POC1A: variants seen among roughly 807,000 people sequenced by gnomAD.
The protein encoded by POC1A is POC1 centriolar protein A.
In POC1A, 34 loss-of-function variants were observed where a neutral mutation model predicts 47.8. That is an observed-to-expected ratio of 0.71 (90% CI 0.54 to 0.95). The LOEUF (loss-of-function observed/expected upper bound fraction) is 0.95, where lower values mean the gene tolerates loss of function less well. Among genes scored for constraint, POC1A ranks in the 40% least tolerant of loss-of-function variants. The pLI is 0.00. For missense variants in POC1A, 466 were observed against 528.3 expected, an observed-to-expected ratio of 0.88 and a Z score of 1.16; for synonymous variants, 177 against 207.6, an observed-to-expected ratio of 0.85 and a Z score of 1.27.
rs1206454073 is a variant in POC1A at position 52,149,984 on chromosome 3, C to G, written c.107G>C (p.Ser36Thr). The G allele has an allele frequency of 3.7e-6, 6 of 1,612,860 alleles. No individual in the cohort carries two copies. The highest frequency in any genetic ancestry group is 5.1e-6 in the Non-Finnish European group (6 of 1,179,644). The change falls in exon 3 of 11, where the codon AGT (serine) becomes ACT (threonine). Residue 36 changes from serine to threonine, a missense_variant. Physicochemically the swap from Ser to Thr is moderately conservative, Grantham distance 58. Coordinates refer to ENST00000296484, the MANE Select transcript of POC1A (RefSeq NM_015426.5). ...CATGAGGCATGAGTCCATGGAGCCACTGGCTGAGGACAGTGGGTGATGCTA... is the reference window on the plus strand; with the variant it reads ...CATGAGGCATGAGTCCATGGAGCCAGTGGCTGAGGACAGTGGGTGATGCTA... ...DFSINTKQLA[S>T]GSMDSCLMVW...
intron 9 of POC1A, among the ~76,000 whole-genome samples, chr3:52,108,358 C>CGA (rs1196541347): frequency 6.6e-6 from 1 of 152,188 alleles, no homozygotes; most frequent in Non-Finnish European, 1.5e-5. Flanking sequence ...CTAATGAAGA[C>CGA]GAGCGGCAGA....
chr3:52,107,217 C>G (rs1363435137), intron 9 of POC1A, among the ~76,000 whole-genome samples: 1 of 152,232 alleles, frequency 6.6e-6, no homozygotes, highest in Non-Finnish European at 1.5e-5. Context: ...GAAGCTGGAG[C>G]CCTCCAGGTC....
At chr3:52,125,289 C>T (rs956276602) in intron 7 of POC1A, 108 bp from the exon 8 acceptor site, 2 of 915,858 alleles carry the variant, frequency 2.2e-6, no homozygotes, top group Non-Finnish European at 3.4e-6. Flanking sequence ...GGATAAAGGA[C>T]CGAGAGCCCA....
intron 10 of POC1A, among the ~76,000 whole-genome samples, chr3:52,081,554 G>C (rs1702282206): frequency 6.6e-6 from 1 of 152,228 alleles, no homozygotes; most frequent in Non-Finnish European, 1.5e-5. Context: ...AATGGTGTGT[G>C]CAAAGGCCCT....
chr3:52,141,253 G>A (rs1698184141), intron 6 of POC1A, among the ~76,000 whole-genome samples: 1 of 152,224 alleles, frequency 6.6e-6, no homozygotes, highest in Admixed American at 6.5e-5. Context: ...TCTGCCTGTA[G>A]AGGCTTGGGC....
intron 6 of POC1A, among the ~76,000 whole-genome samples, chr3:52,140,106 C>T (rs1225491894): frequency 6.6e-6 from 1 of 152,160 alleles, no homozygotes; most frequent in African/African-American, 2.4e-5. Flanking sequence ...GTAAACACAC[C>T]CAACACGAAA....
chr3:52,130,995 C>A (rs1016363807), intron 7 of POC1A, among the ~76,000 whole-genome samples: 18 of 150,162 alleles, frequency 1.2e-4, no homozygotes, highest in African/African-American at 4.4e-4. Flanking sequence ...GGGTCCAGGG[C>A]AGGGGCTGCT....
chr3:52,117,081 G>A lies in POC1A; in HGVS notation c.981+5298C>T, dbSNP rs142290292. On this transcript the variant is annotated intron_variant, in intron 9 of 10. Transcript: ENST00000296484. ...TGCACGCTTGTATTCCCAGCTACTC[G>A]GGAGGCTGAGGCACAAGAATCTCTT... 1.8e-3 allele frequency among the ~76,000 whole-genome samples: 273 copies of A among 152,014 alleles called. 1 individual carries two copies. Among genetic ancestry groups the A allele is most frequent in the African/African-American group, 5.9e-3 (246 of 41,434 alleles).
At chr3:52,078,104 A>G (rs1012383238) in intron 10 of POC1A, among the ~76,000 whole-genome samples, 2 of 152,148 alleles carry the variant, frequency 1.3e-5, no homozygotes, top group African/African-American at 4.8e-5. Flanking sequence ...ATGAGGCCCA[A>G]CACCCCTCAA....
intron 10 of POC1A, among the ~76,000 whole-genome samples, chr3:52,088,629 C>T (rs559163126): frequency 1.1e-4 from 17 of 152,152 alleles, no homozygotes; most frequent in Admixed American, 2.0e-4. Flanking sequence ...AATCTCAGAG[C>T]GGTGCAGGCC....
At chr3:52,137,653 C>T (rs1024538905) in intron 7 of POC1A, among the ~76,000 whole-genome samples, 1 of 152,144 alleles carries the variant, frequency 6.6e-6, no homozygotes, top group Non-Finnish European at 1.5e-5. Flanking sequence ...GAACCGGCTG[C>T]TTTGAAGCTC....
intron 9 of POC1A, 65 bp from the exon 10 acceptor site, chr3:52,096,777 T>G (rs577046033): frequency 2.9e-5 from 39 of 1,335,554 alleles, no homozygotes; most frequent in African/African-American, 1.1e-4. Context: ...GTGAGAGGAA[T>G]AGCCCCTCCA....
chr3:52,094,534 C>T lies in POC1A; in HGVS notation c.1125+2035G>A, dbSNP rs1018987041. On this transcript the variant is annotated intron_variant, in intron 10 of 10. Transcript: ENST00000296484. ...AGGAGAGAAAGGTTGGCCTAGAAGACAACCAACAGTCAAGCCCAAGGAGAA... is the reference window on the plus strand; with the variant it reads ...AGGAGAGAAAGGTTGGCCTAGAAGATAACCAACAGTCAAGCCCAAGGAGAA... Among the ~76,000 whole-genome samples, 7 of 152,264 alleles carry T rather than the reference C, an allele frequency of 4.6e-5. 1 individual carries two copies. Among genetic ancestry groups the T allele is most frequent in the Admixed American group, 3.9e-4 (6 of 15,292 alleles).
rs35249554 is a variant in POC1A, at chr3:52,149,856, C to T, written c.235G>A (p.Gly79Ser). Residue 79 changes from glycine (G) to serine (S), a missense_variant, in exon 3 of 11, where the codon GGC becomes AGC. By Grantham distance (56) the Gly-to-Ser change is moderately conservative. Coordinates refer to ENST00000296484, the MANE Select transcript of POC1A (RefSeq NM_015426.5). ...ATGCGGACAGTCTTGTCTCGGGAGC[C>T]GGAAGCAAGCAGGTGTCCCGAAGGA... ...FSPSGHLLAS[G>S]SRDKTVRIWV... 446 of 1,613,886 alleles carry T rather than the reference C, an allele frequency of 2.8e-4. 2 individuals carry two copies. The African/African-American group carries it at 3.7e-3, about 13-fold the overall frequency.
chr3:52,137,268 C>T (rs138835816), intron 7 of POC1A, among the ~76,000 whole-genome samples: 201 of 152,284 alleles, frequency 1.3e-3, no homozygotes, highest in African/African-American at 4.7e-3. Flanking sequence ...AGCCAAATGG[C>T]CCCCAGGTAC....
In POC1A at chr3:52,120,920, C is replaced by G. The variant is rs568993438; in HGVS notation, c.981+1459G>C. 5.9e-5 allele frequency among the ~76,000 whole-genome samples: 9 copies of G among 152,350 alleles called. 1 individual carries two copies. The South Asian group carries it at 1.9e-3, about 32-fold the overall frequency. On this transcript the variant is annotated intron_variant, in intron 9 of 10. Coordinates refer to ENST00000296484, the MANE Select transcript of POC1A (RefSeq NM_015426.5). Reference sequence around the variant, plus strand: ...AGCTACAAGAACATGGGATTCTCCCCCAGCTGGTAGATATTAACCACTCCC... The same window carrying G: ...AGCTACAAGAACATGGGATTCTCCCGCAGCTGGTAGATATTAACCACTCCC...
chr3:52,149,876 G>C lies in POC1A; in HGVS notation c.215C>G (p.Ser72Trp). The change falls in exon 3 of 11, where the codon TCG (serine) becomes TGG (tryptophan). Residue 72 changes from serine (S) to tryptophan (W), a missense_variant. Physicochemically the swap from Ser to Trp is radical, Grantham distance 177. Transcript: ENST00000296484. ...GGAGCCGGAAGCAAGCAGGTGTCCCGAAGGAGAGAAGTTCACACAGGTGAC... is the reference window on the plus strand; with the variant it reads ...GGAGCCGGAAGCAAGCAGGTGTCCCCAAGGAGAGAAGTTCACACAGGTGAC... ...DAVTCVNFSPSGHLLASGSRD... is the reference protein window; with the variant it reads ...DAVTCVNFSPWGHLLASGSRD... 6.2e-7 allele frequency: 1 copy of C among 1,614,012 alleles called. No homozygotes were observed. Among genetic ancestry groups the C allele is most frequent in the Non-Finnish European group, 8.5e-7 (1 of 1,180,040 alleles).
intron 5 of POC1A, among the ~76,000 whole-genome samples, chr3:52,146,545 C>T (rs377200232): frequency 1.2e-4 from 18 of 152,196 alleles, no homozygotes; most frequent in African/African-American, 4.1e-4. Flanking sequence ...TGATGTGGCA[C>T]AATATGAACA....
At chr3:52,092,095 T>A (rs543634547) in intron 10 of POC1A, among the ~76,000 whole-genome samples, 1 of 152,194 alleles carries the variant, frequency 6.6e-6, no homozygotes, top group Non-Finnish European at 1.5e-5. Flanking sequence ...TGGCATCAGC[T>A]GGGATCAGGG....
Sources: allele counts gnomAD v4.1 joint callset (sites outside exome capture counted in the v4.1 genomes callset), GRCh38; gene constraint gnomAD v4.1.1; transcripts MANE v1.5; gene names NCBI Gene and HGNC (gene_info 2026-07-23, HGNC 2026-07-21).